The following XAF1 variants were observed in gnomAD, a reference collection of about 807,000 sequenced individuals.
XAF1 encodes the protein XIAP associated factor 1.
In XAF1, 32 loss-of-function variants were observed where a neutral mutation model predicts 32.3. The observed-to-expected ratio is 0.99, with a 90% CI of 0.75 to 1.33. The LOEUF (loss-of-function observed/expected upper bound fraction) is 1.33. Ranked by LOEUF, XAF1 falls within the 40% of genes most tolerant of loss-of-function variation. XAF1 has a pLI of 0.00. For missense variants in XAF1, 379 were observed against 366.0 expected (o/e 1.04, Z -0.29); for synonymous variants, 120 against 125.9 (o/e 0.95, Z 0.31).
rs368143001 is a variant in XAF1 at position 6,773,275 on chromosome 17, G to A, written c.*106G>A. 9.0e-4 allele frequency: 931 copies of A among 1,030,750 alleles called. 12 individuals carry two copies. In the East Asian group the frequency reaches 0.018, roughly 20 times the overall value. 63.9% of individuals were successfully genotyped at this position (1,030,750 alleles called of 1,614,324 possible). On this transcript the variant is annotated 3_prime_UTR_variant, in exon 7 of 7. Transcript: ENST00000361842. The stretch of plus-strand genomic sequence containing the variant: ...TTGTGAAAGGTGATGGGTTTTATTC[G>A]TTGGGCTTTAAAAGAAAAGGTTTGG...
At chr17:6,755,481 G>C, upstream of XAF1, 1 of 987,560 alleles carries the variant, frequency 1.0e-6, no homozygotes, top group Non-Finnish European at 1.2e-6. Context: ...TAGCACAGCT[G>C]TTTCTAGGGT....
intron 5 of XAF1, among the ~76,000 whole-genome samples, chr17:6,767,835 G>A (rs998594546): frequency 1.4e-4 from 22 of 151,916 alleles, no homozygotes; most frequent in East Asian, 1.4e-3. Flanking sequence ...CTACTGATTC[G>A]TCAATTTTAC....
intron 6 of XAF1, chr17:6,771,967 T>C (rs1976066455): frequency 6.6e-6 from 1 of 152,242 alleles, no homozygotes; most frequent in Admixed American, 6.5e-5. Context: ...ACACATATTA[T>C]CTTACTATAC....
intron 5 of XAF1, among the ~76,000 whole-genome samples, chr17:6,768,475 T>C (rs1281283170): frequency 6.6e-6 from 1 of 152,224 alleles, no homozygotes; most frequent in Admixed American, 6.5e-5. Context: ...CCTTGGATCC[T>C]AAGCTTTCCT....
chr17:6,757,827 T>C (rs1046536563), intron 1 of XAF1, among the ~76,000 whole-genome samples: 1 of 152,082 alleles, frequency 6.6e-6, no homozygotes, highest in Non-Finnish European at 1.5e-5. Context: ...CATGCCCCTT[T>C]GTAATTCCTC....
intron 5 of XAF1, among the ~76,000 whole-genome samples, chr17:6,768,835 A>G (rs1975809821): frequency 6.6e-6 from 1 of 152,150 alleles, no homozygotes; most frequent in African/African-American, 2.4e-5. Flanking sequence ...GTTCAGAACA[A>G]TGTACTCAAA....
At chr17:6,762,852 T>C (rs900305488) in intron 5 of XAF1, among the ~76,000 whole-genome samples, 2 of 152,240 alleles carry the variant, frequency 1.3e-5, no homozygotes, top group African/African-American at 4.8e-5. Context: ...TCCAAAGAAC[T>C]CTTCTCCTTC....
intron 6 of XAF1, chr17:6,771,630 C>A (rs1296393196): frequency 6.6e-6 from 1 of 152,134 alleles, no homozygotes; most frequent in Non-Finnish European, 1.5e-5. Context: ...GGTGAAGTAG[C>A]TTTCCAAGGA....
At chr17:6,756,148 G>A in intron 1 of XAF1, 38 bp downstream of exon 1, 1 of 1,613,936 alleles carries the variant, frequency 6.2e-7, no homozygotes, top group East Asian at 2.2e-5. Flanking sequence ...ACCCGGGCTG[G>A]CGAGGGAGAG....
chr17:6,766,881 A>G (rs1173307917), intron 5 of XAF1, among the ~76,000 whole-genome samples: 1 of 152,146 alleles, frequency 6.6e-6, no homozygotes, highest in African/African-American at 2.4e-5. Context: ...TTGGTCTGGA[A>G]TTTCTTCCAC....
intron 5 of XAF1, among the ~76,000 whole-genome samples, chr17:6,763,653 C>T (rs567818809): frequency 1.3e-5 from 2 of 152,232 alleles, no homozygotes; most frequent in South Asian, 2.1e-4. Flanking sequence ...GGTAAACATT[C>T]GGATTGTTTC....
intron 4 of XAF1, among the ~76,000 whole-genome samples, chr17:6,761,098 G>C (rs1975171260): frequency 6.6e-6 from 1 of 152,158 alleles, no homozygotes; most frequent in Admixed American, 6.5e-5. Flanking sequence ...AGGTTGCAGT[G>C]AGTCGAGATC....
chr17:6,770,699 A>T lies in XAF1; in HGVS notation c.564A>T (p.Glu188Asp), dbSNP rs778052611. 5 of 1,610,464 alleles carry T rather than the reference A, an allele frequency of 3.1e-6. No individual in the cohort carries two copies. The East Asian group carries it at 1.1e-4, about 36-fold the overall frequency. The change falls in exon 6 of 7, where the codon GAA becomes GAT. Residue 188 changes from glutamate to aspartate, a missense_variant. Transcript: ENST00000361842. ...AACACTTTCCTGTTGGAAATCCAGA[A>T]ATTCTTCCTTCATCTCTTCCAAGTC... ...FKKHFPVGNP[E>D]ILPSSLPSQA...
rs1975119700 is a variant in XAF1 at position 6,760,611 on chromosome 17, C to A, written c.421+10C>A. ...GCCCAGCTCGGGAAAGGTAAGCACACAAACTGGGGTGGAAGAGAGACGTTC... is the reference window on the plus strand; with the variant it reads ...GCCCAGCTCGGGAAAGGTAAGCACAAAAACTGGGGTGGAAGAGAGACGTTC... On this transcript the variant is annotated intron_variant, in intron 4 of 6. Coordinates refer to ENST00000361842, the MANE Select transcript of XAF1 (RefSeq NM_017523.5). 3 of 1,600,548 alleles carry A rather than the reference C, an allele frequency of 1.9e-6. No individual in the cohort carries two copies. The South Asian group carries it at 3.3e-5, about 18-fold the overall frequency.
In XAF1 at chr17:6,758,143, GT is replaced by G; in HGVS notation, c.89del (p.Phe30SerfsTer130). On this transcript the variant is annotated frameshift_variant, in exon 2 of 7. Coordinates refer to ENST00000361842, the MANE Select transcript of XAF1 (RefSeq NM_017523.5). LOFTEE classifies it high-confidence loss of function. ...CCCTCCATGAGGCTTACTGCCTGCG[GT>G]TCCTGGTCCTGTGTCCGGAGTGTGA... ...FTLHEAYCLR[F>X]LVLCPECEEP... is the part of the protein sequence containing the mutation. 6.2e-7 allele frequency: 1 copy of G among 1,614,244 alleles called. No homozygotes were observed. Among genetic ancestry groups the G allele is most frequent in the East Asian group, 2.2e-5 (1 of 44,888 alleles).
In XAF1 at chr17:6,770,686, T is replaced by C. The variant is rs1295613085; in HGVS notation, c.551T>C (p.Val184Ala). The part of the protein sequence containing the change: ...PDSEFKKHFP[V>A]GNPEILPSSL... ...TCAGAGTTTAAGAAACACTTTCCTG[T>C]TGGAAATCCAGAAATTCTTCCTTCA... is the stretch of plus-strand genomic sequence containing the variant. Residue 184 changes from valine to alanine, a missense_variant, in exon 6 of 7, where the codon GTT becomes GCT. Transcript: ENST00000361842. 2 of 1,609,110 alleles carry C rather than the reference T, an allele frequency of 1.2e-6. No individual in the cohort carries two copies. Among genetic ancestry groups the C allele is most frequent in the African/African-American group, 1.3e-5 (1 of 74,516 alleles).
At chr17:6,769,120 T>G (rs1260324359) in intron 5 of XAF1, among the ~76,000 whole-genome samples, 1 of 152,120 alleles carries the variant, frequency 6.6e-6, no homozygotes, top group Non-Finnish European at 1.5e-5. Flanking sequence ...ATTTTCTCTA[T>G]TTCTATCTCT....
chr17:6,770,378 A>G (rs1404616696), intron 5 of XAF1, among the ~76,000 whole-genome samples: 1 of 152,140 alleles, frequency 6.6e-6, no homozygotes, highest in Non-Finnish European at 1.5e-5. Context: ...CGAAGGCCCC[A>G]CCTCTTAATA....
At position 6,773,098 on chromosome 17, in the gene XAF1, A is replaced by T; in HGVS notation, c.850-15A>T. ...ACTTTAACCATATCAAACTTTTTTTATATCCATTTCTTAGGAGAAATGCCG... is the reference window on the plus strand; with the variant it reads ...ACTTTAACCATATCAAACTTTTTTTTTATCCATTTCTTAGGAGAAATGCCG... On this transcript the variant is annotated splice_polypyrimidine_tract_variant and intron_variant, in intron 6 of 6. Coordinates refer to ENST00000361842, the MANE Select transcript of XAF1 (RefSeq NM_017523.5). The T allele has an allele frequency of 6.2e-7, 1 of 1,600,438 alleles. No homozygotes were observed. The highest frequency in any genetic ancestry group is 8.5e-7 in the Non-Finnish European group (1 of 1,175,892).
Sources: allele counts gnomAD v4.1 joint callset (sites outside exome capture counted in the v4.1 genomes callset), GRCh38; gene constraint gnomAD v4.1.1; transcripts MANE v1.5; gene names NCBI Gene and HGNC (gene_info 2026-07-23, HGNC 2026-07-21).